Variants in SDK1 observed in about 807,000 individuals in gnomAD.
The protein encoded by SDK1 is sidekick cell adhesion molecule 1.
A neutral mutation model predicts 245.5 loss-of-function variants in SDK1; 157 were observed. The ratio of observed to expected loss-of-function variants is 0.64; its 90% CI spans 0.56 to 0.73. The LOEUF (loss-of-function observed/expected upper bound fraction) is 0.73, where lower values mean the gene tolerates loss of function less well. SDK1 is among the 30% of genes least tolerant of loss of function. SDK1 has a pLI of 0.00. For missense variants in SDK1, 3,583 were observed against 3,002.3 expected (o/e 1.19, Z -4.52); for synonymous variants, 1,647 against 1,278.5 (o/e 1.29, Z -6.15).
intron 16 of SDK1, among the ~76,000 whole-genome samples, chr7:4,015,919 ACTC>A (rs1410695166): frequency 6.6e-6 from 1 of 151,954 alleles, no homozygotes; most frequent in Non-Finnish European, 1.5e-5. Context: ...GCTCTCGGAA[ACTC>A]CTGATTTTTG....
intron 1 of SDK1, among the ~76,000 whole-genome samples, chr7:3,537,057 C>CA (rs1409517532): frequency 2.6e-5 from 4 of 152,078 alleles, no homozygotes; most frequent in Non-Finnish European, 5.9e-5. Context: ...GTCTTTTACC[C>CA]ACTGTACTTA....
intron 4 of SDK1, among the ~76,000 whole-genome samples, chr7:3,737,914 C>G (rs370267431): frequency 4.9e-4 from 74 of 152,296 alleles, no homozygotes; most frequent in Middle Eastern, 6.8e-3. Flanking sequence ...CTCTTCTTAC[C>G]CTTCTAATGA....
chr7:4,052,669 C>T (rs1310449137), intron 19 of SDK1, among the ~76,000 whole-genome samples: 1 of 152,144 alleles, frequency 6.6e-6, no homozygotes, highest in Admixed American at 6.5e-5. Context: ...AAATACGTCA[C>T]ACAAATTTAA....
At chr7:3,632,291 C>G (rs922240429) in intron 2 of SDK1, among the ~76,000 whole-genome samples, 1 of 152,170 alleles carries the variant, frequency 6.6e-6, no homozygotes, top group Non-Finnish European at 1.5e-5. Flanking sequence ...ATGACGAATG[C>G]ATAATCCCCA....
At chr7:3,784,806 A>G (rs768156075) in intron 4 of SDK1, among the ~76,000 whole-genome samples, 75 of 152,218 alleles carry the variant, frequency 4.9e-4, no homozygotes, top group Non-Finnish European at 1.0e-3. Context: ...ATTCCTCAAA[A>G]AAAATGAGAA....
At chr7:4,103,773 G>T (rs1453706057) in intron 22 of SDK1, among the ~76,000 whole-genome samples, 4 of 152,260 alleles carry the variant, frequency 2.6e-5, no homozygotes, top group African/African-American at 9.6e-5. Flanking sequence ...GATGACACAT[G>T]TGGTGAGAGG....
chr7:3,664,493 C>G (rs1042207466), intron 4 of SDK1, among the ~76,000 whole-genome samples: 1 of 152,092 alleles, frequency 6.6e-6, no homozygotes, highest in Admixed American at 6.5e-5. Flanking sequence ...AAACCCAGCA[C>G]TTTGGGAGGC....
At chr7:3,373,108 T>G (rs951449794) in intron 1 of SDK1, among the ~76,000 whole-genome samples, 1 of 152,204 alleles carries the variant, frequency 6.6e-6, no homozygotes. Flanking sequence ...TGGCGCTATG[T>G]CCTTATAAAC....
intron 8 of SDK1, among the ~76,000 whole-genome samples, chr7:3,959,991 C>G (rs889282911): frequency 9.9e-5 from 15 of 152,192 alleles, no homozygotes; most frequent in African/African-American, 3.4e-4. Flanking sequence ...TGTTTGTATT[C>G]TGGCAACTAT....
chr7:4,079,906 TA>T (rs1276198461), intron 22 of SDK1, among the ~76,000 whole-genome samples: 2 of 152,216 alleles, frequency 1.3e-5, no homozygotes, highest in East Asian at 3.8e-4. Flanking sequence ...AATTAGCTAC[TA>T]AATATACTAA....
At chr7:3,802,511 G>A (rs978429931) in intron 4 of SDK1, among the ~76,000 whole-genome samples, 2 of 151,836 alleles carry the variant, frequency 1.3e-5, no homozygotes, top group Admixed American at 6.6e-5. Flanking sequence ...CTCCAACCTG[G>A]GGAGCAGAAT....
Position 3,694,669 on chromosome 7 carries a change from G to A in SDK1, c.713+52564G>A, listed in dbSNP as rs145576648. On this transcript the variant is annotated intron_variant, in intron 4 of 44. Coordinates refer to ENST00000404826, the MANE Select transcript of SDK1 (RefSeq NM_152744.4). The stretch of plus-strand genomic sequence containing the variant: ...GAAAACAATGCCACTGTCTTGGTGT[G>A]TCTGATGTTCTGGGGAACATTTGAA... Among the ~76,000 whole-genome samples the A allele has an allele frequency of 6.0e-4, 92 of 152,254 alleles. No individual in the cohort carries two copies. The Middle Eastern group carries it at 0.01, about 17-fold the overall frequency.
chr7:3,405,382 C>T (rs928550226), intron 1 of SDK1, among the ~76,000 whole-genome samples: 1 of 152,132 alleles, frequency 6.6e-6, no homozygotes, highest in Non-Finnish European at 1.5e-5. Context: ...ATTTTAAACA[C>T]TGAAGTGCCC....
intron 28 of SDK1, among the ~76,000 whole-genome samples, chr7:4,139,386 CGTGTGTGTGTATAT>C (rs1207374527): frequency 9.5e-4 from 124 of 130,118 alleles, no homozygotes; most frequent in Non-Finnish European, 1.4e-3. Flanking sequence ...TATATATGTA[CGTGTGTGTGTATAT>C]GTGTGTGTGT....
chr7:3,343,922 CAT>C (rs1780421802), intron 1 of SDK1, among the ~76,000 whole-genome samples: 2 of 149,326 alleles, frequency 1.3e-5, no homozygotes. Context: ...AAGCAGTAAA[CAT>C]ATTACGGACA....
At chr7:4,143,263 G>A (rs906318477) in intron 28 of SDK1, among the ~76,000 whole-genome samples, 1 of 152,218 alleles carries the variant, frequency 6.6e-6, no homozygotes, top group Non-Finnish European at 1.5e-5. Flanking sequence ...TTCCATGGAG[G>A]CTGTGAGGAA....
chr7:4,264,332 G>A lies in SDK1; in HGVS notation c.6382-792G>A, dbSNP rs148954336. 2.2e-3 allele frequency among the ~76,000 whole-genome samples: 331 copies of A among 147,610 alleles called. 5 individuals carry two copies. The highest frequency in any genetic ancestry group is 0.014 in the East Asian group (63 of 4,646). Reference sequence around the variant, plus strand: ...ACCTCTCCTGAGTGAGGGAGGCCGCGTAGATCTCTCCTGAGTGAGGAGGCC... The same window carrying A: ...ACCTCTCCTGAGTGAGGGAGGCCGCATAGATCTCTCCTGAGTGAGGAGGCC... On this transcript the variant is annotated intron_variant, in intron 44 of 44. Transcript: ENST00000404826.
intron 5 of SDK1, among the ~76,000 whole-genome samples, chr7:3,863,598 G>C (rs1048842676): frequency 2.6e-5 from 4 of 152,048 alleles, no homozygotes; most frequent in African/African-American, 9.7e-5. Flanking sequence ...TCCCTCTTCA[G>C]CATCCTCACT....
intron 25 of SDK1, among the ~76,000 whole-genome samples, chr7:4,125,454 GATGA>G (rs1334379235): frequency 6.6e-6 from 1 of 151,142 alleles, no homozygotes; most frequent in South Asian, 2.1e-4. Flanking sequence ...TGGGTGAATG[GATGA>G]ATGGATGGAT....
Sources: allele counts gnomAD v4.1 joint callset (sites outside exome capture counted in the v4.1 genomes callset), GRCh38; gene constraint gnomAD v4.1.1; transcripts MANE v1.5; gene names NCBI Gene and HGNC (gene_info 2026-07-23, HGNC 2026-07-21).